The following CFAP61 variants were observed in gnomAD, a reference collection of about 807,000 sequenced individuals.
CFAP61 encodes cilia and flagella associated protein 61, also known as cilia- and flagella-associated protein 61.
Under a neutral mutation model 135.6 loss-of-function variants are expected in CFAP61, and 107 were observed. The observed-to-expected ratio is 0.79, with a 90% CI of 0.67 to 0.93. CFAP61 has a LOEUF of 0.93. Among genes scored for constraint, CFAP61 ranks in the 40% least tolerant of loss-of-function variants. The pLI, the probability that CFAP61 is intolerant of heterozygous loss-of-function variation, is 0.00. For synonymous variants in CFAP61, 575 were observed against 578.5 expected (o/e 0.99, Z 0.09); for missense variants, 1,507 against 1,556.2 (o/e 0.97, Z 0.53).
chr20:20,100,554 C>G (rs1374935233), intron 8 of CFAP61, among the ~76,000 whole-genome samples: 4 of 152,100 alleles, frequency 2.6e-5, no homozygotes, highest in African/African-American at 7.2e-5. Context: ...ATTGAGGGGA[C>G]AATTAAATGT....
intron 8 of CFAP61, among the ~76,000 whole-genome samples, chr20:20,106,964 C>G (rs1419517921): frequency 2.0e-5 from 3 of 152,124 alleles, no homozygotes; most frequent in Non-Finnish European, 4.4e-5. Flanking sequence ...TGCTAGAAAA[C>G]ACGGTGATAG....
chr20:20,199,673 A>G, intron 16 of CFAP61, 95 bp from the exon 17 acceptor site: 4 of 1,367,818 alleles, frequency 2.9e-6, no homozygotes, highest in Non-Finnish European at 3.0e-6. Context: ...GACTTGGCCG[A>G]GTTAAGAGTT....
At chr20:20,080,196 A>G (rs750693280) in intron 6 of CFAP61, among the ~76,000 whole-genome samples, 3 of 152,186 alleles carry the variant, frequency 2.0e-5, no homozygotes, top group Non-Finnish European at 4.4e-5. Context: ...GTATGTAACT[A>G]TACACACACA....
chr20:20,350,482 A>G (rs185995238), intron 26 of CFAP61, among the ~76,000 whole-genome samples: 165 of 152,288 alleles, frequency 1.1e-3, no homozygotes, highest in African/African-American at 3.8e-3. Flanking sequence ...TACAAAAATT[A>G]GCCGGACGTG....
At chr20:20,065,435 C>A (rs2045173326) in intron 2 of CFAP61, among the ~76,000 whole-genome samples, 1 of 151,680 alleles carries the variant, frequency 6.6e-6, no homozygotes, top group Non-Finnish European at 1.5e-5. Context: ...AAGGTTGCAA[C>A]CTATCTTAGA....
Position 20,289,044 on chromosome 20 carries a change from G to T in CFAP61, c.3124+108G>T, listed in dbSNP as rs111250342. ...TTAGGCTTGGGGAAAAGGCTCCTCC[G>T]TACCTCAATGGGTTGCCACAGAGAC... On this transcript the variant is annotated intron_variant, in intron 23 of 26. Transcript: ENST00000245957. 3.7e-3 allele frequency: 2,735 copies of T among 730,370 alleles called. 10 individuals are homozygous for T. The highest frequency in any genetic ancestry group is 5.2e-3 in the Non-Finnish European group (2,371 of 451,648). 45.2% of individuals were successfully genotyped at this position (730,370 alleles called of 1,614,324 possible).
intron 19 of CFAP61, 82 bp from the exon 20 acceptor site, chr20:20,251,513 A>C: frequency 7.4e-7 from 1 of 1,355,846 alleles, no homozygotes; most frequent in Non-Finnish European, 1.0e-6. Flanking sequence ...CCACTAGGGG[A>C]CTTGAACCAG....
chr20:20,246,036 A>G, intron 18 of CFAP61, 81 bp from the exon 19 acceptor site: 1 of 857,202 alleles, frequency 1.2e-6, no homozygotes, highest in South Asian at 1.5e-5. Flanking sequence ...GACACGTGAT[A>G]TAAAGTTAAA....
intron 17 of CFAP61, among the ~76,000 whole-genome samples, chr20:20,204,041 A>AC (rs1310914830): frequency 6.6e-6 from 1 of 152,202 alleles, no homozygotes; most frequent in African/African-American, 2.4e-5. Flanking sequence ...CTTTGAACTT[A>AC]AAGAGCCCCT....
intron 17 of CFAP61, among the ~76,000 whole-genome samples, chr20:20,218,342 C>G (rs896237953): frequency 6.6e-6 from 1 of 152,206 alleles, no homozygotes; most frequent in Non-Finnish European, 1.5e-5. Flanking sequence ...GTCTTGCCAC[C>G]ACCATGTAAG....
rs577064103 is a variant in CFAP61, at chr20:20,155,098, A to G, written c.952-4272A>G. Among the ~76,000 whole-genome samples the G allele has an allele frequency of 3.3e-5, 5 of 152,316 alleles. No homozygotes were observed. In the East Asian group the frequency reaches 5.8e-4, roughly 18 times the overall value. On this transcript the variant is annotated intron_variant, in intron 9 of 26. Coordinates refer to ENST00000245957, the MANE Select transcript of CFAP61 (RefSeq NM_015585.4). ...GGCATGTAGACCAACAGAACAGAAT[A>G]GAGAACCCAGAAATAAAGCCAAATA...
chr20:20,341,963 T>G lies in CFAP61; in HGVS notation c.3513+42T>G, dbSNP rs769261653. 3.0e-6 allele frequency: 4 copies of G among 1,350,914 alleles called. No individual in the cohort carries two copies. In the East Asian group the frequency reaches 9.2e-5, roughly 31 times the overall value. 83.7% of individuals were successfully genotyped at this position (1,350,914 alleles called of 1,614,324 possible). The stretch of plus-strand genomic sequence containing the variant: ...GATATGTGGATTATTCCTTGCAAAT[T>G]ATAAGCAGCTGATAGCTGTTGATCA... On this transcript the variant is annotated intron_variant, in intron 26 of 26. Transcript: ENST00000245957.
intron 21 of CFAP61, among the ~76,000 whole-genome samples, chr20:20,270,629 C>T (rs1325432503): frequency 6.6e-6 from 1 of 151,610 alleles, no homozygotes; most frequent in Non-Finnish European, 1.5e-5. Flanking sequence ...TGGCATTTTT[C>T]CCCCTTGATT....
chr20:20,296,712 C>A (rs756379539), intron 24 of CFAP61, among the ~76,000 whole-genome samples: 1 of 152,042 alleles, frequency 6.6e-6, no homozygotes, highest in African/African-American at 2.4e-5. Flanking sequence ...AGAAAGTGAC[C>A]GTTAACATTT....
At position 20,135,928 on chromosome 20, in the gene CFAP61, G is replaced by A. The variant is rs56079207; in HGVS notation, c.860-6929G>A. Reference sequence around the variant, plus strand: ...ACATTTCTTGTAGGACTGGTCTGGTGTTGATGAAATACCTTTTGTTTGTCT... The same window carrying A: ...ACATTTCTTGTAGGACTGGTCTGGTATTGATGAAATACCTTTTGTTTGTCT... On this transcript the variant is annotated intron_variant, in intron 8 of 26. Transcript: ENST00000245957. Among the ~76,000 whole-genome samples, 201 of 152,284 alleles carry A rather than the reference G, an allele frequency of 1.3e-3. 1 individual carries two copies. The highest frequency in any genetic ancestry group is 2.5e-3 in the Non-Finnish European group (167 of 68,022).
chr20:20,084,330 C>T (rs900256804), intron 6 of CFAP61, among the ~76,000 whole-genome samples: 1 of 152,204 alleles, frequency 6.6e-6, no homozygotes, highest in Non-Finnish European at 1.5e-5. Flanking sequence ...AATACAAATC[C>T]TCTCTGGATA....
chr20:20,067,706 A>G (rs1183812972), intron 2 of CFAP61, among the ~76,000 whole-genome samples: 1 of 145,148 alleles, frequency 6.9e-6, no homozygotes, highest in Non-Finnish European at 1.5e-5. Context: ...ATATATTCAT[A>G]TTTTATATAT....
At chr20:20,341,180 A>G (rs934862741) in intron 25 of CFAP61, among the ~76,000 whole-genome samples, 2 of 152,226 alleles carry the variant, frequency 1.3e-5, no homozygotes, top group African/African-American at 4.8e-5. Context: ...CACTTAAAGT[A>G]AGAGTTAAAA....
chr20:20,277,152 C>G lies in CFAP61; in HGVS notation c.2504-14C>G. On this transcript the variant is annotated splice_polypyrimidine_tract_variant and intron_variant, in intron 21 of 26. Coordinates refer to ENST00000245957, the MANE Select transcript of CFAP61 (RefSeq NM_015585.4). ...TCTGAACTGTATATCTTAGCGTTTT[C>G]CCTTCTTTCCTAGGGAATATCATTG... 1.3e-6 allele frequency: 2 copies of G among 1,587,086 alleles called. No individual in the cohort carries two copies. Among genetic ancestry groups the G allele is most frequent in the Non-Finnish European group, 1.7e-6 (2 of 1,161,058 alleles).
Sources: gnomAD v4.1 joint callset for allele counts (sites outside exome capture counted in the v4.1 genomes callset) on GRCh38, gnomAD v4.1.1 for gene constraint, MANE v1.5 for transcripts, NCBI Gene and HGNC (gene_info 2026-07-23, HGNC 2026-07-21) for gene names.